ITCH: variants seen among roughly 807,000 people sequenced by gnomAD.
ITCH encodes itchy E3 ubiquitin protein ligase.
Under a neutral mutation model 126.8 loss-of-function variants are expected in ITCH, and 28 were observed. The observed-to-expected ratio is 0.22, with a 90% confidence interval of 0.16 to 0.30. The LOEUF is 0.30. ITCH is among the 10% of genes least tolerant of loss of function. ITCH has a pLI of 1.00. For synonymous variants in ITCH, 342 were observed against 340.0 expected (o/e 1.01, Z -0.06); for missense variants, 631 against 1,032.4 (o/e 0.61, Z 5.33).
intron 23 of ITCH, among the ~76,000 whole-genome samples, chr20:34,495,027 G>A (rs371938322): frequency 6.6e-6 from 1 of 151,364 alleles, no homozygotes; most frequent in East Asian, 1.9e-4. Flanking sequence ...CGAGGCAGGC[G>A]GATCACCTGA....
At chr20:34,477,444 C>A (rs773384189) in intron 16 of ITCH, among the ~76,000 whole-genome samples, 2 of 152,106 alleles carry the variant, frequency 1.3e-5, no homozygotes, top group Admixed American at 6.6e-5. Context: ...GCAAGAGAAT[C>A]GCTTGAACCT....
At chr20:34,410,774 T>TA (rs1978918326) in intron 4 of ITCH, among the ~76,000 whole-genome samples, 1 of 152,234 alleles carries the variant, frequency 6.6e-6, no homozygotes, top group Non-Finnish European at 1.5e-5. Context: ...GATGGTCACC[T>TA]AATTTCCTCC....
rs148832373 is a variant in ITCH at position 34,400,788 on chromosome 20, C to T, written c.70+6907C>T. Among the ~76,000 whole-genome samples the T allele has an allele frequency of 2.8e-3, 426 of 151,586 alleles. 3 individuals carry two copies. The highest frequency in any genetic ancestry group is 0.011 in the South Asian group (51 of 4,802). ...TTATTTATTTATTGAAACAGAGTCT[C>T]GCTCTGTCACCCAGGCTGGAGTGCA... On this transcript the variant is annotated intron_variant, in intron 3 of 24. Transcript: ENST00000374864.
At chr20:34,402,321 C>T (rs2038915617) in intron 3 of ITCH, 4 of 1,115,000 alleles carry the variant, frequency 3.6e-6, no homozygotes, top group Non-Finnish European at 5.5e-6. Flanking sequence ...TGATAGGCTT[C>T]TGTTTGTTCT....
At chr20:34,387,050 C>G (rs1001737963) in intron 2 of ITCH, among the ~76,000 whole-genome samples, 1 of 152,104 alleles carries the variant, frequency 6.6e-6, no homozygotes, top group African/African-American at 2.4e-5. Flanking sequence ...TGCCTGTAAT[C>G]TCAGCACTTT....
rs758161283 is a variant in ITCH, at chr20:34,489,411, T to A, written c.2214+25T>A. The stretch of plus-strand genomic sequence containing the variant: ...GGTAATGAATTTTCCTTCATTCCCC[T>A]GTACCATGCTAGTAAATAATGCCTT... On this transcript the variant is annotated intron_variant, in intron 21 of 24. Coordinates refer to ENST00000374864, the MANE Select transcript of ITCH (RefSeq NM_031483.7). 6 of 1,601,972 alleles carry A rather than the reference T, an allele frequency of 3.7e-6. No homozygotes were observed. The African/African-American group carries it at 6.7e-5, about 18-fold the overall frequency.
intron 24 of ITCH, among the ~76,000 whole-genome samples, chr20:34,504,820 A>C (rs1405856819): frequency 6.6e-6 from 1 of 152,134 alleles, no homozygotes; most frequent in Non-Finnish European, 1.5e-5. Context: ...CAATATTTGA[A>C]CCTTATTTTG....
chr20:34,406,845 C>T (rs2039076241), intron 3 of ITCH, among the ~76,000 whole-genome samples: 1 of 152,084 alleles, frequency 6.6e-6, no homozygotes. Context: ...TATTAAGCTT[C>T]TTAAGTAGTT....
At chr20:34,435,823 C>T (rs759638329) in intron 7 of ITCH, among the ~76,000 whole-genome samples, 13 of 151,940 alleles carry the variant, frequency 8.6e-5, no homozygotes, top group Non-Finnish European at 1.6e-4. Context: ...CCAAGTGAGG[C>T]GTGAAGTGAG....
chr20:34,490,724 C>T lies in ITCH; in HGVS notation c.2319+798C>T, dbSNP rs531750696. Among the ~76,000 whole-genome samples, 17 of 152,244 alleles carry T rather than the reference C, an allele frequency of 1.1e-4. No individual in the cohort carries two copies. The East Asian group carries it at 1.2e-3, about 10-fold the overall frequency. ...GGAGAAGAACAACCATTGCCAAGGGCGCATTGCTGGTGATAGTGTGAAATA... is the reference window on the plus strand; with the variant it reads ...GGAGAAGAACAACCATTGCCAAGGGTGCATTGCTGGTGATAGTGTGAAATA... On this transcript the variant is annotated intron_variant, in intron 22 of 24. Transcript: ENST00000374864.
At chr20:34,503,590 G>A (rs893818736) in intron 23 of ITCH, among the ~76,000 whole-genome samples, 15 of 152,064 alleles carry the variant, frequency 9.9e-5, no homozygotes, top group African/African-American at 3.1e-4. Context: ...TTTTATTGTA[G>A]TTTCGTTATT....
Position 34,449,476 on chromosome 20 carries a change from A to G in ITCH, c.1206A>G (p.Gly402=), listed in dbSNP as rs1256950358. 3.1e-6 allele frequency: 5 copies of G among 1,597,866 alleles called. No homozygotes were observed. The highest frequency in any genetic ancestry group is 4.3e-6 in the Non-Finnish European group (5 of 1,165,368). ...ATCCTCTTGGTCCATTGCCACCTGG[A>G]TGGGGTAAGTCACATGAGTTTCTTC... ...EFDPLGPLPP[G]WEKRTDSNGR... is the part of the protein sequence containing the mutation. The change falls in exon 12 of 25, where the codon GGA becomes GGG. Residue 402 remains glycine, a synonymous_variant. Coordinates refer to ENST00000374864, the MANE Select transcript of ITCH (RefSeq NM_031483.7).
intron 23 of ITCH, among the ~76,000 whole-genome samples, chr20:34,492,841 C>G (rs1989611692): frequency 6.6e-6 from 1 of 152,236 alleles, no homozygotes; most frequent in African/African-American, 2.4e-5. Flanking sequence ...GTATGTAAAT[C>G]TGTTCATTTA....
chr20:34,469,067 A>T (rs543003651), intron 14 of ITCH, among the ~76,000 whole-genome samples: 1 of 152,284 alleles, frequency 6.6e-6, no homozygotes, highest in South Asian at 2.1e-4. Flanking sequence ...GAGAAACCCC[A>T]TGGTGTCATA....
Position 34,462,132 on chromosome 20 carries a change from G to A in ITCH, c.1335G>A (p.Met445Ile), listed in dbSNP as rs2146375433. 6.2e-7 allele frequency: 1 copy of A among 1,613,734 alleles called. No homozygotes were observed. The highest frequency in any genetic ancestry group is 8.5e-7 in the Non-Finnish European group (1 of 1,179,682). ...AGCCCTTACCTGAAGGTTGGGAAAT[G>A]AGATTCACAGTGGATGGAATTCCAT... ...NEKPLPEGWE[M>I]RFTVDGIPYF... The change falls in exon 14 of 25, where the codon ATG (methionine) becomes ATA (isoleucine). Residue 445 changes from methionine to isoleucine, a missense_variant. Met to Ile is a conservative substitution (Grantham distance 10). This residue lies in a region of ITCH where 390 missense variants were observed against 731.6 expected (regional missense o/e 0.53). Coordinates refer to ENST00000374864, the MANE Select transcript of ITCH (RefSeq NM_031483.7).
intron 3 of ITCH, among the ~76,000 whole-genome samples, chr20:34,404,166 C>G (rs2038975154): frequency 6.6e-6 from 1 of 152,076 alleles, no homozygotes. Context: ...TCAGATGAGA[C>G]TGACATTTTT....
chr20:34,410,008 T>C (rs1978756011), intron 4 of ITCH, among the ~76,000 whole-genome samples: 1 of 150,606 alleles, frequency 6.6e-6, no homozygotes. Context: ...GCTACTGAAC[T>C]CTAGCCTGGG....
chr20:34,502,528 T>G (rs747138169), intron 23 of ITCH, among the ~76,000 whole-genome samples: 4 of 151,246 alleles, frequency 2.6e-5, no homozygotes, highest in Non-Finnish European at 5.9e-5. Context: ...CTGGCCAACA[T>G]AGTGAAACCC....
chr20:34,386,085 C>A (rs74883759), intron 2 of ITCH, among the ~76,000 whole-genome samples: 2 of 150,694 alleles, frequency 1.3e-5, no homozygotes, highest in African/African-American at 5.0e-5. Context: ...GCACCAAAGT[C>A]GGCTCCTTTG....
Sources: gnomAD v4.1 joint callset for allele counts (sites outside exome capture counted in the v4.1 genomes callset) on GRCh38, gnomAD v4.1.1 for gene constraint, gnomAD v4.1.1 regional missense constraint, MANE v1.5 for transcripts, NCBI Gene and HGNC (gene_info 2026-07-23, HGNC 2026-07-21) for gene names.